TRDN: variants seen among roughly 807,000 people sequenced by gnomAD.
TRDN encodes triadin in skeletal muscle.
TRDN carries 161 observed loss-of-function variants against 149.7 expected under a neutral mutation model. That is an observed-to-expected ratio of 1.08 (90% CI 0.95 to 1.23). The LOEUF is 1.23. TRDN is among the 50% of genes most tolerant of loss of function. The probability of loss-of-function intolerance (pLI) is 0.00; values close to 1 mark genes in which losing one functional copy is unlikely to be tolerated. For missense variants in TRDN, 896 were observed against 823.5 expected (o/e 1.09, Z -1.08); for synonymous variants, 294 against 250.5 (o/e 1.17, Z -1.64).
At chr6:123,549,503 C>T (rs1228634302) in intron 2 of TRDN, among the ~76,000 whole-genome samples, 1 of 151,970 alleles carries the variant, frequency 6.6e-6, no homozygotes, top group East Asian at 1.9e-4. Context: ...ACTATTTTAG[C>T]TTTTCAGAGA....
Position 123,337,614 on chromosome 6 carries a change from GT to G in TRDN, c.1420+4del. 7.4e-7 allele frequency: 1 copy of G among 1,345,116 alleles called. No homozygotes were observed. The highest frequency in any genetic ancestry group is 1.0e-6 in the Non-Finnish European group (1 of 993,866). The allele number at this position is 1,345,116 out of a possible 1,614,324, so 83.3% of individuals were successfully genotyped here. ...TGTAATATTATATTAAATTAACTCT[GT>G]TACCTTTATCTTTCAGAATTGAAGA... On this transcript the variant is annotated splice_donor_region_variant and intron_variant, in intron 22 of 40. Coordinates refer to ENST00000334268, the MANE Select transcript of TRDN (RefSeq NM_006073.4).
intron 36 of TRDN, 63 bp from the exon 37 acceptor site, chr6:123,255,188 T>C: frequency 1.2e-6 from 1 of 803,972 alleles, no homozygotes; most frequent in Non-Finnish European, 1.9e-6. Context: ...ATCAAAATTT[T>C]GTCTCACATC....
intron 23 of TRDN, among the ~76,000 whole-genome samples, chr6:123,318,559 T>A (rs561581767): frequency 6.6e-6 from 1 of 152,050 alleles, no homozygotes; most frequent in African/African-American, 2.4e-5. Context: ...GAAGTATGGC[T>A]AATTTGAATA....
At chr6:123,329,743 A>C (rs932003270) in intron 23 of TRDN, among the ~76,000 whole-genome samples, 2 of 152,122 alleles carry the variant, frequency 1.3e-5, no homozygotes, top group African/African-American at 4.8e-5. Context: ...TGTCACTCTA[A>C]GTGGGAAAAA....
At chr6:123,633,851 A>G (rs955152780) in intron 1 of TRDN, among the ~76,000 whole-genome samples, 1 of 152,044 alleles carries the variant, frequency 6.6e-6, no homozygotes, top group Non-Finnish European at 1.5e-5. Flanking sequence ...ACTGTAGTTG[A>G]ATAAGCACTG....
At chr6:123,367,203 A>AAATAAT (rs201505974) in intron 19 of TRDN, among the ~76,000 whole-genome samples, 1 of 151,744 alleles carries the variant, frequency 6.6e-6, no homozygotes, top group Admixed American at 6.6e-5. Context: ...CAGGAAAATA[A>AAATAAT]AATAATAATA....
intron 9 of TRDN, among the ~76,000 whole-genome samples, chr6:123,490,046 G>A (rs1162665408): frequency 6.6e-6 from 1 of 152,104 alleles, no homozygotes; most frequent in African/African-American, 2.4e-5. Context: ...GAAAGACAGA[G>A]AGCAGTAAGC....
At chr6:123,431,774 G>C (rs1218817934) in intron 12 of TRDN, among the ~76,000 whole-genome samples, 1 of 152,086 alleles carries the variant, frequency 6.6e-6, no homozygotes, top group African/African-American at 2.4e-5. Context: ...AAATTTAAGT[G>C]ATCTGTAGTC....
intron 20 of TRDN, among the ~76,000 whole-genome samples, chr6:123,353,712 A>T (rs1011338619): frequency 4.6e-5 from 7 of 151,722 alleles, no homozygotes; most frequent in Non-Finnish European, 8.9e-5. Context: ...ATATCTGTTG[A>T]AAAAAACAGA....
intron 38 of TRDN, among the ~76,000 whole-genome samples, chr6:123,251,195 T>TC (rs753210822): frequency 2.0e-3 from 306 of 152,252 alleles, no homozygotes; most frequent in Non-Finnish European, 3.4e-3. Context: ...CTGAAGCAAG[T>TC]CTATGATCAC....
chr6:123,382,079 A>C, intron 15 of TRDN, 39 bp downstream of exon 15: 1 of 1,449,764 alleles, frequency 6.9e-7, no homozygotes, highest in Admixed American at 2.9e-5. Flanking sequence ...TTCATGGTTC[A>C]TCAAACATAA....
chr6:123,535,810 T>A (rs1780499193), intron 4 of TRDN, among the ~76,000 whole-genome samples: 1 of 152,152 alleles, frequency 6.6e-6, no homozygotes, highest in Non-Finnish European at 1.5e-5. Context: ...ATTATTTTAA[T>A]AATCCTCATA....
intron 38 of TRDN, among the ~76,000 whole-genome samples, chr6:123,250,632 C>T (rs775875658): frequency 6.6e-6 from 1 of 151,960 alleles, no homozygotes; most frequent in East Asian, 1.9e-4. Context: ...TGTCTCTGAT[C>T]ATTTATTTTA....
chr6:123,587,019 T>A (rs1054952285), intron 1 of TRDN, among the ~76,000 whole-genome samples: 2 of 151,654 alleles, frequency 1.3e-5, no homozygotes, highest in Admixed American at 1.3e-4. Flanking sequence ...TACTTGCCCC[T>A]CCTCTAGAAA....
intron 2 of TRDN, among the ~76,000 whole-genome samples, chr6:123,566,533 A>G (rs1782307756): frequency 6.6e-6 from 1 of 152,214 alleles, no homozygotes; most frequent in African/African-American, 2.4e-5. Context: ...TCTATGAACA[A>G]CCTTTTCATG....
chr6:123,358,046 A>C (rs1780749202), intron 20 of TRDN, among the ~76,000 whole-genome samples: 2 of 152,228 alleles, frequency 1.3e-5, no homozygotes, highest in African/African-American at 4.8e-5. Flanking sequence ...CAGCTCATCT[A>C]AGTAAGTGAA....
At chr6:123,459,480 C>G (rs938213687) in intron 10 of TRDN, among the ~76,000 whole-genome samples, 1 of 152,112 alleles carries the variant, frequency 6.6e-6, no homozygotes, top group African/African-American at 2.4e-5. Flanking sequence ...ACATCTCTTC[C>G]CTAAAGCTAT....
chr6:123,292,213 C>T (rs1242268492), intron 24 of TRDN, among the ~76,000 whole-genome samples: 1 of 152,136 alleles, frequency 6.6e-6, no homozygotes, highest in Non-Finnish European at 1.5e-5. Context: ...AGGTCATGTG[C>T]TGCCTGCCCT....
intron 20 of TRDN, among the ~76,000 whole-genome samples, chr6:123,359,676 T>G (rs1295208152): frequency 1.3e-5 from 2 of 151,906 alleles, no homozygotes; most frequent in African/African-American, 4.8e-5. Context: ...AAAGATTGAA[T>G]GTGAAGGGGA....
Sources: allele counts gnomAD v4.1 joint callset (sites outside exome capture counted in the v4.1 genomes callset), GRCh38; gene constraint gnomAD v4.1.1; transcripts MANE v1.5; gene names NCBI Gene and HGNC (gene_info 2026-07-23, HGNC 2026-07-21).